The following NEMP2 variants were observed in gnomAD, a reference collection of about 807,000 sequenced individuals.
The protein encoded by NEMP2 is UPF0571 transmembrane protein.
A neutral mutation model predicts 54.2 loss-of-function variants in NEMP2; 53 were observed. That is an observed-to-expected ratio of 0.98 (90% confidence interval 0.78 to 1.23). The LOEUF (loss-of-function observed/expected upper bound fraction) is 1.23. Among genes scored for constraint, NEMP2 ranks in the 50% most tolerant of loss-of-function variants. The pLI is 0.00. For missense variants in NEMP2, 455 were observed against 511.3 expected (o/e 0.89, Z 1.06); for synonymous variants, 197 against 190.3 (o/e 1.04, Z -0.29).
At chr2:190,606,294 A>C in the NEMP2 span, among the ~76,000 whole-genome samples, 1 of 152,028 alleles carries the variant, frequency 6.6e-6, no homozygotes, top group Admixed American at 6.5e-5. Context: ...TCACTTGTGT[A>C]CCAACTGAAA....
chr2:190,553,364 G>T, the NEMP2 span: 1 of 152,176 alleles, frequency 6.6e-6, no homozygotes, highest in Non-Finnish European at 1.5e-5. Flanking sequence ...GCTCAGCTTT[G>T]GTGAGATCCC....
chr2:190,551,078 A>G, the NEMP2 span, among the ~76,000 whole-genome samples: 2 of 114,586 alleles, frequency 1.7e-5, no homozygotes, highest in East Asian at 2.4e-4. Context: ...TTCATAGCCA[A>G]TGGACTTTTT....
At chr2:190,602,267 G>A in the NEMP2 span, among the ~76,000 whole-genome samples, 1 of 152,208 alleles carries the variant, frequency 6.6e-6, no homozygotes, top group African/African-American at 2.4e-5. Context: ...GGAAATTCAG[G>A]TAAGAGTTAA....
the NEMP2 span, chr2:190,629,870 G>A: frequency 6.6e-6 from 1 of 152,196 alleles, no homozygotes; most frequent in Non-Finnish European, 1.5e-5. Context: ...TAAAACAAGT[G>A]GGATCAACAA....
chr2:190,425,097 C>CT, the NEMP2 span, among the ~76,000 whole-genome samples: 1 of 152,004 alleles, frequency 6.6e-6, no homozygotes, highest in African/African-American at 2.4e-5. The surrounding 1 kb of genome is among the most constrained non-coding windows in gnomAD (Gnocchi z 4.3). Context: ...CCAAGTGTTT[C>CT]TTTTTTAAGC....
At chr2:190,642,699 G>A in the NEMP2 span, among the ~76,000 whole-genome samples, 1 of 152,118 alleles carries the variant, frequency 6.6e-6, no homozygotes, top group Non-Finnish European at 1.5e-5. The surrounding 1 kb of genome is among the most constrained non-coding windows in gnomAD (Gnocchi z 4.1). Context: ...TCAGTTAATT[G>A]TAGGGCTACC....
chr2:190,425,412 A>G, the NEMP2 span, among the ~76,000 whole-genome samples: 1 of 152,138 alleles, frequency 6.6e-6, no homozygotes, highest in Non-Finnish European at 1.5e-5. The surrounding 1 kb of genome is among the most constrained non-coding windows in gnomAD (Gnocchi z 4.3). Context: ...CTTGTTCCCT[A>G]TCTTAGAGAA....
chr2:190,589,150 T>C, the NEMP2 span, among the ~76,000 whole-genome samples: 1 of 152,170 alleles, frequency 6.6e-6, no homozygotes, highest in Non-Finnish European at 1.5e-5. The surrounding 1 kb of genome is among the most constrained non-coding windows in gnomAD (Gnocchi z 4.3). Context: ...TACAAGTCTC[T>C]CTGACTGATG....
At chr2:190,457,034 G>A in the NEMP2 span, among the ~76,000 whole-genome samples, 1 of 151,970 alleles carries the variant, frequency 6.6e-6, no homozygotes, top group Non-Finnish European at 1.5e-5. This position sits in a 1 kb window ranked among gnomAD's most constrained non-coding sequence, Gnocchi z 5.1. Flanking sequence ...GCGCACAGCT[G>A]AGTTCAGAAG....
chr2:190,432,090 T>G, the NEMP2 span, among the ~76,000 whole-genome samples: 3 of 152,238 alleles, frequency 2.0e-5, no homozygotes, highest in East Asian at 5.8e-4. Context: ...TGGTAATTAC[T>G]CATATTTAGT....
chr2:190,429,005 A>T, the NEMP2 span, among the ~76,000 whole-genome samples: 1 of 152,022 alleles, frequency 6.6e-6, no homozygotes, highest in Non-Finnish European at 1.5e-5. Context: ...TTTTTAGAGT[A>T]TGTTACATTA....
the NEMP2 span, among the ~76,000 whole-genome samples, chr2:190,601,244 A>G: frequency 6.6e-6 from 1 of 152,186 alleles, no homozygotes; most frequent in African/African-American, 2.4e-5. This position sits in a 1 kb window ranked among gnomAD's most constrained non-coding sequence, Gnocchi z 5.8. Context: ...CCACAAGCCA[A>G]GGAACCACCA....
downstream of NEMP2, chr2:190,500,108 CCT>C: frequency 1.9e-6 from 3 of 1,614,176 alleles, no homozygotes; most frequent in East Asian, 2.2e-5. This position sits in a 1 kb window ranked among gnomAD's most constrained non-coding sequence, Gnocchi z 5.3. Context: ...CCAGCCATCC[CCT>C]GACGCAGCAG....
At chr2:190,453,119 G>T in the NEMP2 span, among the ~76,000 whole-genome samples, 1 of 152,218 alleles carries the variant, frequency 6.6e-6, no homozygotes, top group South Asian at 2.1e-4. Context: ...GAAATGTTAG[G>T]TTTGGTGCCT....
the NEMP2 span, among the ~76,000 whole-genome samples, chr2:190,474,933 A>T: frequency 3.3e-5 from 5 of 152,280 alleles, no homozygotes; most frequent in Non-Finnish European, 7.3e-5. Context: ...AATAAATGTA[A>T]TCCAGCATAT....
chr2:190,445,365 T>TAGA, the NEMP2 span, among the ~76,000 whole-genome samples: 7 of 151,950 alleles, frequency 4.6e-5, no homozygotes, highest in Admixed American at 4.6e-4. Flanking sequence ...TAAGAAAATG[T>TAGA]AGAATCTAGC....
chr2:190,445,186 T>G, the NEMP2 span, among the ~76,000 whole-genome samples: 24 of 152,272 alleles, frequency 1.6e-4, no homozygotes, highest in East Asian at 9.6e-4. Context: ...GGGATACTTA[T>G]CTCATATTAA....
the NEMP2 span, among the ~76,000 whole-genome samples, chr2:190,633,441 G>A: frequency 1.3e-5 from 2 of 151,812 alleles, no homozygotes; most frequent in Non-Finnish European, 2.9e-5. Flanking sequence ...AGCCTCCTGA[G>A]TAGCTGGGAT....
Position 190,527,668 on chromosome 2 carries a change from C to T in NEMP2, c.98-2290G>A, listed in dbSNP as rs1163188713. On this transcript the variant is annotated intron_variant, in intron 1 of 8. Coordinates refer to ENST00000409150, the MANE Select transcript of NEMP2 (RefSeq NM_001142645.2). The surrounding 1 kb of genome is among the most constrained non-coding windows in gnomAD (Gnocchi z 4.0). ...GAGCAAAGGTCCCCAACCCTGGGGC[C>T]AAGGACCAATACCAGTCCATGGTCT... 1.3e-5 allele frequency among the ~76,000 whole-genome samples: 2 copies of T among 152,096 alleles called. No homozygotes were observed. The highest frequency in any genetic ancestry group is 2.1e-4 in the South Asian group (1 of 4,826).
Sources: gnomAD v4.1 joint callset for allele counts (sites outside exome capture counted in the v4.1 genomes callset) on GRCh38, gnomAD v4.1.1 for gene constraint, Gnocchi (gnomAD v3.1) non-coding constraint, MANE v1.5 for transcripts, NCBI Gene and HGNC (gene_info 2026-07-23, HGNC 2026-07-21) for gene names.